Variants in CDC73 observed in about 807,000 individuals in gnomAD.
CDC73 encodes cell division cycle 73, also known as parafibromin.
CDC73 carries 21 observed loss-of-function variants against 83.7 expected under a neutral mutation model. The ratio of observed to expected loss-of-function variants is 0.25; its 90% CI spans 0.18 to 0.36. The LOEUF (loss-of-function observed/expected upper bound fraction) is 0.36. CDC73 is among the 10% of genes least tolerant of loss of function. The probability of loss-of-function intolerance (pLI) is 1.00; values close to 1 mark genes in which losing one functional copy is unlikely to be tolerated. For missense variants in CDC73, 342 were observed against 653.3 expected (o/e 0.52, Z 5.19); for synonymous variants, 224 against 212.9 (o/e 1.05, Z -0.45).
chr1:193,183,100 G>T (rs1572182045), intron 10 of CDC73, among the ~76,000 whole-genome samples: 1 of 151,782 alleles, frequency 6.6e-6, no homozygotes, highest in South Asian at 2.1e-4. Context: ...AATTTACATG[G>T]AAATCCTCAT....
chr1:193,139,742 A>G (rs192835279), intron 6 of CDC73, among the ~76,000 whole-genome samples: 172 of 152,196 alleles, frequency 1.1e-3, no homozygotes, highest in Non-Finnish European at 1.9e-3. Flanking sequence ...ACAGTTTGTT[A>G]CTTTTGGGTC....
chr1:193,139,576 G>A (rs553225768), intron 6 of CDC73, among the ~76,000 whole-genome samples: 12 of 152,072 alleles, frequency 7.9e-5, no homozygotes, highest in African/African-American at 2.9e-4. Context: ...TTTATTACAT[G>A]TCTGCTTTAT....
At chr1:193,158,598 T>C (rs1044794281) in intron 10 of CDC73, among the ~76,000 whole-genome samples, 15 of 152,188 alleles carry the variant, frequency 9.9e-5, no homozygotes, top group Non-Finnish European at 5.9e-5. Flanking sequence ...ATATTACTTT[T>C]ATAAAATGTT....
intron 13 of CDC73, among the ~76,000 whole-genome samples, chr1:193,222,435 C>T (rs1470074298): frequency 6.6e-6 from 1 of 152,172 alleles, no homozygotes; most frequent in Admixed American, 6.5e-5. Flanking sequence ...CCAACAGCCC[C>T]AGGCAATGCA....
intron 10 of CDC73, among the ~76,000 whole-genome samples, chr1:193,183,794 G>A (rs937174395): frequency 6.6e-6 from 1 of 151,774 alleles, no homozygotes; most frequent in Non-Finnish European, 1.5e-5. Context: ...ACAAAGATAA[G>A]TTATCTGTTT....
At chr1:193,195,078 T>C (rs1676979863) in intron 10 of CDC73, among the ~76,000 whole-genome samples, 1 of 152,124 alleles carries the variant, frequency 6.6e-6, no homozygotes, top group Non-Finnish European at 1.5e-5. Context: ...GTCTAAGAAG[T>C]CTCAGGATCT....
At chr1:193,124,305 A>T (rs1179995105) in intron 1 of CDC73, among the ~76,000 whole-genome samples, 2 of 152,210 alleles carry the variant, frequency 1.3e-5, no homozygotes, top group East Asian at 3.8e-4. Context: ...GTTCTTTTCT[A>T]TTCTGAAAAT....
chr1:193,186,765 A>C (rs1676817695), intron 10 of CDC73: 1 of 152,150 alleles, frequency 6.6e-6, no homozygotes, highest in Non-Finnish European at 1.5e-5. Flanking sequence ...TATATGTTGA[A>C]TGCAAGTGTA....
intron 13 of CDC73, among the ~76,000 whole-genome samples, chr1:193,219,279 A>T (rs921116663): frequency 5.3e-5 from 8 of 152,234 alleles, no homozygotes; most frequent in Non-Finnish European, 8.8e-5. Context: ...GGGAATGCTT[A>T]TGTGCTCCTG....
intron 13 of CDC73, among the ~76,000 whole-genome samples, chr1:193,216,891 T>A (rs1677377321): frequency 6.6e-6 from 1 of 151,986 alleles, no homozygotes; most frequent in South Asian, 2.1e-4. Context: ...AATCCTAAAA[T>A]CCCTTCATGT....
rs749344710 is a variant in CDC73 at position 193,135,595 on chromosome 1, G to T, written c.423+6G>T. The T allele has an allele frequency of 4.4e-6, 7 of 1,598,796 alleles. No individual in the cohort carries two copies. Among genetic ancestry groups the T allele is most frequent in the Non-Finnish European group, 6.0e-6 (7 of 1,166,858 alleles). ...CAAAGAAACCACGAATTGAGGTAAA[G>T]AAACTGTATTTTAAACAATTTTATT... On this transcript the variant is annotated splice_donor_region_variant and intron_variant, in intron 5 of 16. Coordinates refer to ENST00000367435, the MANE Select transcript of CDC73 (RefSeq NM_024529.5).
chr1:193,226,442 G>C (rs774567468), intron 13 of CDC73, among the ~76,000 whole-genome samples: 4 of 152,126 alleles, frequency 2.6e-5, no homozygotes, highest in Non-Finnish European at 5.9e-5. Flanking sequence ...TCAGAACTAC[G>C]TTAGCTGTGG....
intron 10 of CDC73, among the ~76,000 whole-genome samples, chr1:193,193,421 T>A (rs1676950545): frequency 6.6e-6 from 1 of 152,202 alleles, no homozygotes; most frequent in Admixed American, 6.5e-5. Context: ...TCATATGGTG[T>A]CACTCATTTT....
At chr1:193,200,080 A>G (rs937933776) in intron 10 of CDC73, among the ~76,000 whole-genome samples, 1 of 149,700 alleles carries the variant, frequency 6.7e-6, no homozygotes, top group African/African-American at 2.5e-5. Flanking sequence ...AAAAAAAAAC[A>G]AAAAACAAAA....
rs185578084 is a variant in CDC73 at position 193,158,969 on chromosome 1, A to G, written c.972+6525A>G. On this transcript the variant is annotated intron_variant, in intron 10 of 16. Transcript: ENST00000367435. ...TCTGTTGTATACAGTTTTTTGTTAG[A>G]TATGCATTTTTCATAGACTTTTCTA... 1.9e-3 allele frequency among the ~76,000 whole-genome samples: 284 copies of G among 152,268 alleles called. 1 individual carries two copies. Among genetic ancestry groups the G allele is most frequent in the African/African-American group, 6.0e-3 (250 of 41,552 alleles).
chr1:193,249,235 C>T (rs1016477343), intron 15 of CDC73, among the ~76,000 whole-genome samples: 3 of 152,016 alleles, frequency 2.0e-5, no homozygotes, highest in African/African-American at 7.2e-5. Context: ...GCTAAAGGCT[C>T]AGATGATTGT....
At chr1:193,194,351 C>T (rs1276142450) in intron 10 of CDC73, among the ~76,000 whole-genome samples, 2 of 152,092 alleles carry the variant, frequency 1.3e-5, no homozygotes, top group Non-Finnish European at 2.9e-5. Context: ...CTCAAAGTTC[C>T]TCACTTTGTG....
chr1:193,224,340 T>C (rs1401123429), intron 13 of CDC73, among the ~76,000 whole-genome samples: 1 of 11,612 alleles, frequency 8.6e-5, no homozygotes, highest in African/African-American at 3.6e-4. Context: ...TTGTTCCATG[T>C]ATATATATAT....
intron 15 of CDC73, among the ~76,000 whole-genome samples, chr1:193,238,244 C>T (rs1677797201): frequency 1.3e-5 from 2 of 152,090 alleles, no homozygotes; most frequent in African/African-American, 2.4e-5. Context: ...TTTAAGAATA[C>T]TCTTTCCCCT....
Sources: gnomAD v4.1 joint callset for allele counts (sites outside exome capture counted in the v4.1 genomes callset) on GRCh38, gnomAD v4.1.1 for gene constraint, MANE v1.5 for transcripts, NCBI Gene and HGNC (gene_info 2026-07-23, HGNC 2026-07-21) for gene names.